Variants in AMDHD2 observed in about 807,000 individuals in gnomAD.
The protein encoded by AMDHD2 is N-acetylglucosamine-6-phosphate deacetylase.
AMDHD2 carries 24 observed loss-of-function variants against 41.8 expected under a neutral mutation model. That is an observed-to-expected ratio of 0.57 (90% confidence interval 0.42 to 0.81). AMDHD2 has a LOEUF of 0.81. AMDHD2 is among the 30% of genes least tolerant of loss of function. AMDHD2 has a pLI of 0.00. For missense variants in AMDHD2, 540 were observed against 588.5 expected, an observed-to-expected ratio of 0.92 and a Z score of 0.85; for synonymous variants, 332 against 255.5, an observed-to-expected ratio of 1.30 and a Z score of -2.85.
In AMDHD2 at chr16:2,527,711, G is replaced by T; in HGVS notation, c.416-62G>T. On this transcript the variant is annotated intron_variant, in intron 4 of 10. Transcript: ENST00000293971. The surrounding 1 kb of genome is among the most constrained non-coding windows in gnomAD (Gnocchi z 6.1). Reference sequence around the variant, plus strand: ...CTCCAGATGCCCAGCTGGTGGGGAGGGCAGGTGATAAGGGCTGGGTGGGGC... The same window carrying T: ...CTCCAGATGCCCAGCTGGTGGGGAGTGCAGGTGATAAGGGCTGGGTGGGGC... 4.5e-6 allele frequency: 7 copies of T among 1,557,044 alleles called. No individual in the cohort carries two copies. The highest frequency in any genetic ancestry group is 6.1e-6 in the Non-Finnish European group (7 of 1,151,402).
rs2065918456 is a variant in AMDHD2, at chr16:2,520,549, C to CGGCGG, written c.83+10_83+11insCGGGG. 8.7e-7 allele frequency: 1 copy of CGGCGG among 1,146,956 alleles called. No individual in the cohort carries two copies. Among genetic ancestry groups the CGGCGG allele is most frequent in the Non-Finnish European group, 1.1e-6 (1 of 930,884 alleles). 71.0% of individuals were successfully genotyped at this position (1,146,956 alleles called of 1,614,324 possible). On this transcript the variant is annotated intron_variant, in intron 1 of 10. Coordinates refer to ENST00000293971, the MANE Select transcript of AMDHD2 (RefSeq NM_001330449.2). ...CGGAGGGAAACTGCTCAGGTGGGCGCGGGCCGGGGACTGCGGGGCTGGGGA... is the reference window on the plus strand; with the variant it reads ...CGGAGGGAAACTGCTCAGGTGGGCGCGGCGGGGGCCGGGGACTGCGGGGCTGGGGA...
At chr16:2,521,780 A>AT (rs377339628) in intron 3 of AMDHD2, among the ~76,000 whole-genome samples, 3 of 98,322 alleles carry the variant, frequency 3.1e-5, no homozygotes, top group East Asian at 2.6e-4. Context: ...TTTTTTGTTT[A>AT]GTTTTTTTTT....
Position 2,521,014 on chromosome 16 carries a change from C to T in AMDHD2, c.251C>T (p.Thr84Met), listed in dbSNP as rs2065928426. Residue 84 changes from threonine (T) to methionine (M), a missense_variant, in exon 3 of 11, where the codon ACG becomes ATG. Transcript: ENST00000293971. ...TTTGGTGTTGACTTCTCTCAAGCCA[C>T]GGAGGACGTGGGTTCGGGGGTTGCC... Reference protein sequence around the residue: ...GGFGVDFSQATEDVGSGVALV... With the variant: ...GGFGVDFSQAMEDVGSGVALV... 1.2e-6 allele frequency: 2 copies of T among 1,609,884 alleles called. No individual in the cohort carries two copies. The highest frequency in any genetic ancestry group is 1.7e-6 in the Non-Finnish European group (2 of 1,177,594).
intron 8 of AMDHD2, 25 bp downstream of exon 8, chr16:2,528,584 C>A: frequency 1.2e-6 from 2 of 1,612,658 alleles, no homozygotes; most frequent in Non-Finnish European, 1.7e-6. Flanking sequence ...CCACTGGGTC[C>A]CAGGTCCCAG....
rs754892834 is a variant in AMDHD2 at position 2,530,432 on chromosome 16, C to T, written c.*869C>T. The T allele has an allele frequency of 2.4e-5, 39 of 1,614,048 alleles. No individual in the cohort carries two copies. The highest frequency in any genetic ancestry group is 1.6e-4 in the Middle Eastern group (1 of 6,062). ...TGAGGCTCCCTGAACAGCTTCGAGG[C>T]GGGTGGGCTTCTGGAGCCCTCTTGG... On this transcript the variant is annotated 3_prime_UTR_variant, in exon 11 of 11. Transcript: ENST00000293971.
At chr16:2,525,212 A>G (rs2065987972) in intron 3 of AMDHD2, among the ~76,000 whole-genome samples, 1 of 151,728 alleles carries the variant, frequency 6.6e-6, no homozygotes, top group African/African-American at 2.4e-5. Flanking sequence ...ACCTGCCGCC[A>G]TGCCCTGCTA....
chr16:2,526,391 A>G (rs990979593), intron 3 of AMDHD2, among the ~76,000 whole-genome samples: 3 of 152,066 alleles, frequency 2.0e-5, no homozygotes, highest in African/African-American at 7.2e-5. Context: ...CTGTGCCCAC[A>G]CCTACCCTTG....
rs2066061291 is a variant in AMDHD2 at position 2,529,824 on chromosome 16, G to A, written c.*261G>A. On this transcript the variant is annotated 3_prime_UTR_variant, in exon 11 of 11. Coordinates refer to ENST00000293971, the MANE Select transcript of AMDHD2 (RefSeq NM_001330449.2). ...GGCATTCACGGCCTGGGGTGGGATG[G>A]CTGGGCTGTAGTTTAGCCTGGGCCT... 7.7e-6 allele frequency: 11 copies of A among 1,422,158 alleles called. No individual in the cohort carries two copies. Among genetic ancestry groups the A allele is most frequent in the African/African-American group, 1.4e-5 (1 of 69,460 alleles). The allele number at this position is 1,422,158 out of a possible 1,614,324, so 88.1% of individuals were successfully genotyped here. A position where few individuals can be genotyped will look rare whatever the true frequency, so the allele number is the denominator to read the frequency against.
intron 3 of AMDHD2, among the ~76,000 whole-genome samples, chr16:2,526,205 TG>T (rs1396539872): frequency 2.6e-5 from 4 of 152,108 alleles, no homozygotes; most frequent in African/African-American, 9.7e-5. Context: ...GCAGGCCAGC[TG>T]GGGGCACCCA....
intron 10 of AMDHD2, 134 bp downstream of exon 10, chr16:2,529,229 C>G: frequency 9.2e-7 from 1 of 1,088,682 alleles, no homozygotes; most frequent in Non-Finnish European, 1.3e-6. Context: ...TGCCGGCTGC[C>G]AGCCTCAGTT....
chr16:2,523,128 C>T (rs1358804327), intron 3 of AMDHD2, among the ~76,000 whole-genome samples: 3 of 152,190 alleles, frequency 2.0e-5, no homozygotes, highest in African/African-American at 7.2e-5. Flanking sequence ...AGGCGTGAGC[C>T]ATGGTGCCCA....
chr16:2,527,802 C>T lies in AMDHD2; in HGVS notation c.445C>T (p.Arg149Trp), dbSNP rs779695777. The change falls in exon 5 of 11, where the codon CGG becomes TGG. Residue 149 changes from arginine (R) to tryptophan (W), a missense_variant. Coordinates refer to ENST00000293971, the MANE Select transcript of AMDHD2 (RefSeq NM_001330449.2). This position sits in a 1 kb window ranked among gnomAD's most constrained non-coding sequence, Gnocchi z 6.1. The stretch of plus-strand genomic sequence containing the variant: ...GCACCTGGAGGGCCCCTTCATCAGC[C>T]GGGAGAAGCGGGGCGCGCACCCCGA... ...GLHLEGPFISREKRGAHPEAH... is the reference protein window; with the variant it reads ...GLHLEGPFISWEKRGAHPEAH... 2.4e-5 allele frequency: 38 copies of T among 1,584,814 alleles called. No individual in the cohort carries two copies. Among genetic ancestry groups the T allele is most frequent in the Non-Finnish European group, 3.1e-5 (36 of 1,170,390 alleles).
At position 2,530,789 on chromosome 16, in the gene AMDHD2, T is replaced by C; in HGVS notation, c.*1226T>C. On this transcript the variant is annotated 3_prime_UTR_variant, in exon 11 of 11. Transcript: ENST00000293971. ...GGGCCTGGGGCAGGGCACAAGGGGTTGATCTCAGCCCACAAGCCCCAGGGG... is the reference window on the plus strand; with the variant it reads ...GGGCCTGGGGCAGGGCACAAGGGGTCGATCTCAGCCCACAAGCCCCAGGGG... 1 of 1,613,622 alleles carries C rather than the reference T, an allele frequency of 6.2e-7. No homozygotes were observed. The highest frequency in any genetic ancestry group is 8.5e-7 in the Non-Finnish European group (1 of 1,179,950).
intron 3 of AMDHD2, among the ~76,000 whole-genome samples, chr16:2,526,237 G>A (rs1054556598): frequency 1.3e-5 from 2 of 152,180 alleles, no homozygotes; most frequent in Non-Finnish European, 2.9e-5. Context: ...GGGGCATTAT[G>A]GGGGTACTCG....
At chr16:2,524,906 C>A (rs1290524617) in intron 3 of AMDHD2, among the ~76,000 whole-genome samples, 1 of 151,700 alleles carries the variant, frequency 6.6e-6, no homozygotes, top group African/African-American at 2.4e-5. Flanking sequence ...CTGTGTAGGT[C>A]AGTCATCGGA....
At chr16:2,523,262 C>T (rs1429921170) in intron 3 of AMDHD2, among the ~76,000 whole-genome samples, 1 of 152,164 alleles carries the variant, frequency 6.6e-6, no homozygotes, top group Non-Finnish European at 1.5e-5. Context: ...CTAGTTCTGT[C>T]CAGAGCCCCC....
intron 3 of AMDHD2, among the ~76,000 whole-genome samples, chr16:2,523,915 C>T (rs865895304): frequency 1.8e-4 from 27 of 152,256 alleles, no homozygotes; most frequent in African/African-American, 5.3e-4. Context: ...CCACTGTGCC[C>T]CCCACTGCCT....
chr16:2,526,189 G>C (rs910134916), intron 3 of AMDHD2, among the ~76,000 whole-genome samples: 3 of 152,156 alleles, frequency 2.0e-5, no homozygotes, highest in Non-Finnish European at 4.4e-5. Context: ...TTCAGAAGAG[G>C]TGTCAGCAGG....
At chr16:2,529,138 T>C in intron 10 of AMDHD2, 43 bp downstream of exon 10, 1 of 1,481,514 alleles carries the variant, frequency 6.7e-7, no homozygotes, top group South Asian at 1.3e-5. Context: ...TGGCCCTGCC[T>C]GTAGACTCTG....
Sources: allele counts gnomAD v4.1 joint callset (sites outside exome capture counted in the v4.1 genomes callset), GRCh38; gene constraint gnomAD v4.1.1; non-coding constraint Gnocchi (gnomAD v3.1); transcripts MANE v1.5; gene names NCBI Gene and HGNC (gene_info 2026-07-23, HGNC 2026-07-21).